The following ESRRG variants were observed in gnomAD, a reference collection of about 807,000 sequenced individuals.
ESRRG encodes estrogen related receptor gamma, also known as estrogen-related receptor gamma.
A neutral mutation model predicts 44.0 loss-of-function variants in ESRRG; 13 were observed. The observed-to-expected ratio is 0.30, with a 90% CI of 0.19 to 0.47. The LOEUF (loss-of-function observed/expected upper bound fraction) is 0.47, where lower values mean the gene tolerates loss of function less well. Among genes scored for constraint, ESRRG ranks in the 20% least tolerant of loss-of-function variants. The pLI, the probability that ESRRG is intolerant of heterozygous loss-of-function variation, is 1.00. For missense variants in ESRRG, 395 were observed against 580.6 expected (o/e 0.68, Z 3.29); for synonymous variants, 215 against 214.6 (o/e 1.00, Z -0.02).
At chr1:216,697,241 C>G (rs2080358084) in intron 1 of ESRRG, among the ~76,000 whole-genome samples, 1 of 152,184 alleles carries the variant, frequency 6.6e-6, no homozygotes, top group South Asian at 2.1e-4. Context: ...GCTGGAATTA[C>G]AAGCGTGAGC....
chr1:216,734,054 C>A (rs113650705), intron 2 of ESRRG, among the ~76,000 whole-genome samples: 2 of 151,388 alleles, frequency 1.3e-5, no homozygotes, highest in Non-Finnish European at 2.9e-5. Context: ...GAAGGGGCAC[C>A]AGGCAGAATC....
intron 2 of ESRRG, among the ~76,000 whole-genome samples, chr1:216,828,627 T>C (rs2095436703): frequency 1.3e-5 from 2 of 152,206 alleles, no homozygotes; most frequent in Admixed American, 6.5e-5. Context: ...AGTACTGGCA[T>C]TTGTATTTTC....
At chr1:216,677,879 G>T (rs890113395) in intron 1 of ESRRG, among the ~76,000 whole-genome samples, 1 of 152,156 alleles carries the variant, frequency 6.6e-6, no homozygotes, top group African/African-American at 2.4e-5. Context: ...ATTTATCAAT[G>T]GAAGAGGTGG....
intron 2 of ESRRG, among the ~76,000 whole-genome samples, chr1:216,742,825 A>G (rs763213985): frequency 6.6e-6 from 1 of 152,140 alleles, no homozygotes; most frequent in Non-Finnish European, 1.5e-5. Context: ...TTGAATTCAC[A>G]TCGCCCTCTG....
At position 216,879,503 on chromosome 1, in the gene ESRRG, A is replaced by AAAAG. The variant is rs1553674765; in HGVS notation, c.-14+60078_-14+60079insCTTT. On this transcript the variant is annotated intron_variant, in intron 2 of 7. Transcript: ENST00000359162. Reference sequence around the variant, plus strand: ...GGCCACCAAAAAAAAAAAAAAAAAAAAAGAAGAAGAAGAAAAAGGCAGTTT... The same window carrying AAAAG: ...GGCCACCAAAAAAAAAAAAAAAAAAAAAAGAAGAAGAAGAAGAAAAAGGCAGTTT... Among the ~76,000 whole-genome samples, 4 of 151,088 alleles carry AAAAG rather than the reference A, an allele frequency of 2.6e-5. No homozygotes were observed. The East Asian group carries it at 7.7e-4, about 29-fold the overall frequency.
At chr1:216,702,315 G>A (rs1172052112) in intron 1 of ESRRG, among the ~76,000 whole-genome samples, 1 of 151,944 alleles carries the variant, frequency 6.6e-6, no homozygotes, top group Admixed American at 6.6e-5. Context: ...TCTATAAGAG[G>A]CCAAAAAGAG....
At chr1:216,584,029 T>C (rs1014345827) in intron 3 of ESRRG, among the ~76,000 whole-genome samples, 5 of 152,118 alleles carry the variant, frequency 3.3e-5, no homozygotes, top group African/African-American at 1.2e-4. Context: ...CCAAACCATA[T>C]CACCATGTCA....
At position 216,519,427 on chromosome 1, in the gene ESRRG, T is replaced by A. The variant is rs780769851; in HGVS notation, c.863-6A>T. 1.9e-6 allele frequency: 3 copies of A among 1,598,922 alleles called. No individual in the cohort carries two copies. The African/African-American group carries it at 4.1e-5, about 22-fold the overall frequency. On this transcript the variant is annotated splice_region_variant and splice_polypyrimidine_tract_variant and intron_variant, in intron 5 of 6. Coordinates refer to ENST00000408911, the MANE Select transcript of ESRRG (RefSeq NM_001438.4). The stretch of plus-strand genomic sequence containing the variant: ...CAGGGACAGCGTGGAGAAGCCTGCA[T>A]GGAAAGATGGGCAGATCAAGTTACT...
chr1:216,861,476 G>C (rs2149098925), intron 2 of ESRRG, among the ~76,000 whole-genome samples: 1 of 152,030 alleles, frequency 6.6e-6, no homozygotes, highest in South Asian at 2.1e-4. Context: ...ATATCACACT[G>C]CATCTCATGT....
At chr1:216,987,742 T>C (rs922676877) in intron 1 of ESRRG, among the ~76,000 whole-genome samples, 21 of 152,272 alleles carry the variant, frequency 1.4e-4, no homozygotes, top group African/African-American at 4.8e-4. Flanking sequence ...CTGGCTTATC[T>C]GCCATCACCT....
intron 1 of ESRRG, among the ~76,000 whole-genome samples, chr1:216,955,544 T>C (rs2067792305): frequency 6.6e-6 from 1 of 152,178 alleles, no homozygotes; most frequent in Admixed American, 6.5e-5. Flanking sequence ...TTCCTTTCTA[T>C]TGGATAAATA....
intron 2 of ESRRG, among the ~76,000 whole-genome samples, chr1:216,655,241 C>T (rs1039367847): frequency 8.6e-5 from 13 of 152,020 alleles, no homozygotes; most frequent in Non-Finnish European, 1.3e-4. Context: ...TTTTGTATTA[C>T]GGCTGGTTTG....
chr1:216,620,034 T>G (rs2061974628), intron 3 of ESRRG, among the ~76,000 whole-genome samples: 1 of 152,154 alleles, frequency 6.6e-6, no homozygotes, highest in Non-Finnish European at 1.5e-5. Flanking sequence ...ACTAAAAATC[T>G]ACATAAATAC....
chr1:216,558,293 CT>C (rs1218074765), intron 5 of ESRRG, among the ~76,000 whole-genome samples: 1 of 152,136 alleles, frequency 6.6e-6, no homozygotes, highest in Admixed American at 6.5e-5. Context: ...ATAGTTGTGA[CT>C]TCAGAAACTA....
intron 1 of ESRRG, among the ~76,000 whole-genome samples, chr1:217,125,937 G>A (rs2092883684): frequency 6.6e-6 from 1 of 152,090 alleles, no homozygotes; most frequent in East Asian, 1.9e-4. Context: ...AAATTTCTGA[G>A]GCCCAGGGAT....
intron 6 of ESRRG, among the ~76,000 whole-genome samples, chr1:216,510,760 C>T (rs2042483657): frequency 6.6e-6 from 1 of 152,064 alleles, no homozygotes; most frequent in East Asian, 1.9e-4. Flanking sequence ...TGGTGGGCGC[C>T]TGCAGTCCCA....
At chr1:216,727,843 T>C (rs940124543), upstream of ESRRG, among the ~76,000 whole-genome samples, 7 of 152,068 alleles carry the variant, frequency 4.6e-5, no homozygotes, top group Non-Finnish European at 8.8e-5. Flanking sequence ...GGGGAGCAAC[T>C]GTCTCACCGA....
chr1:216,736,231 G>A (rs973744827), intron 2 of ESRRG, among the ~76,000 whole-genome samples: 1 of 137,766 alleles, frequency 7.3e-6, no homozygotes, highest in African/African-American at 2.8e-5. Context: ...CGCTCAGGCT[G>A]GAGTGCAGTG....
rs1553259361 is a variant in ESRRG at position 217,051,214 on chromosome 1, G to GC, written c.-106+38292_-106+38293insG. ...AGTGGATAATGGGGGCGGGGGGGGG[G>GC]GGTGCCAGGGGAATTGTAAGACTGG... is the stretch of plus-strand genomic sequence containing the variant. On this transcript the variant is annotated intron_variant, in intron 1 of 7. Coordinates refer to the ESRRG transcript ENST00000359162. Among the ~76,000 whole-genome samples the GC allele has an allele frequency of 1.0e-3, 116 of 116,064 alleles. 3 individuals are homozygous for GC. The highest frequency in any genetic ancestry group is 2.7e-3 in the African/African-American group (81 of 30,056). 76.1% of individuals were successfully genotyped at this position (116,064 alleles called of 152,430 possible).
Sources: allele counts gnomAD v4.1 joint callset (sites outside exome capture counted in the v4.1 genomes callset), GRCh38; gene constraint gnomAD v4.1.1; transcripts MANE v1.5; gene names NCBI Gene and HGNC (gene_info 2026-07-23, HGNC 2026-07-21).